The following IFI16 variants were observed in gnomAD, a reference collection of about 807,000 sequenced individuals.
IFI16 encodes the protein gamma-interferon-inducible protein 16.
A neutral mutation model predicts 68.4 loss-of-function variants in IFI16; 49 were observed. That is an observed-to-expected ratio of 0.72 (90% CI 0.57 to 0.91). The LOEUF (loss-of-function observed/expected upper bound fraction) is 0.91, where lower values mean the gene tolerates loss of function less well. Ranked by LOEUF, IFI16 falls within the 40% of genes least tolerant of loss-of-function variation. The pLI, the probability that IFI16 is intolerant of heterozygous loss-of-function variation, is 0.00. For missense variants in IFI16, 878 were observed against 942.9 expected (o/e 0.93, Z 0.90); for synonymous variants, 307 against 315.0 (o/e 0.97, Z 0.27).
upstream of IFI16, among the ~76,000 whole-genome samples, chr1:159,008,509 A>G (rs570001039): frequency 6.6e-6 from 1 of 152,342 alleles, no homozygotes; most frequent in South Asian, 2.1e-4. Flanking sequence ...TGGAGTCCCA[A>G]TTGAGGACAT....
chr1:159,009,927 A>G lies in IFI16; in HGVS notation c.-255A>G, dbSNP rs1652440365. 6.6e-6 allele frequency: 1 copy of G among 152,220 alleles called. No homozygotes were observed. The highest frequency in any genetic ancestry group is 6.5e-5 in the Admixed American group (1 of 15,284). 9.4% of individuals were successfully genotyped at this position (152,220 alleles called of 1,614,324 possible). A position where few individuals can be genotyped will look rare whatever the true frequency, so the allele number is the denominator to read the frequency against. ...ACTCCATTTTCTCTGGGGCAATAGCAGAATAGGAGCAAGCCAGCACTAGTC... is the reference window on the plus strand; with the variant it reads ...ACTCCATTTTCTCTGGGGCAATAGCGGAATAGGAGCAAGCCAGCACTAGTC... On this transcript the variant is annotated 5_prime_UTR_variant, in exon 1 of 12. Coordinates refer to ENST00000295809, the MANE Select transcript of IFI16 (RefSeq NM_001376587.1).
intron 7 of IFI16, among the ~76,000 whole-genome samples, chr1:159,042,546 A>G (rs1257368554): frequency 6.6e-6 from 1 of 152,060 alleles, no homozygotes; most frequent in African/African-American, 2.4e-5. Flanking sequence ...TTTCCATCTC[A>G]GTTCTGTCCC....
chr1:159,009,829 A>T (rs886436359), upstream of IFI16: 3 of 152,100 alleles, frequency 2.0e-5, no homozygotes, highest in African/African-American at 7.2e-5. Context: ...TTGCCAGGAA[A>T]CTGTTCATTT....
At chr1:159,052,498 C>G (rs553057131) in intron 10 of IFI16, 2 of 165,280 alleles carry the variant, frequency 1.2e-5, no homozygotes, top group East Asian at 3.3e-4. Context: ...AGTTGCTCTC[C>G]CAAGCCTGAA....
At chr1:159,033,371 C>G (rs1425729685) in intron 7 of IFI16, among the ~76,000 whole-genome samples, 3 of 152,198 alleles carry the variant, frequency 2.0e-5, no homozygotes, top group Non-Finnish European at 4.4e-5. Context: ...TTTTCCTTAA[C>G]AGGGTCAGCA....
At chr1:159,007,331 G>A (rs1652296969), upstream of IFI16, among the ~76,000 whole-genome samples, 1 of 152,196 alleles carries the variant, frequency 6.6e-6, no homozygotes, top group South Asian at 2.1e-4. Flanking sequence ...ATTGTTAAGT[G>A]GAGAATCTGT....
chr1:159,007,603 C>G (rs553959209), upstream of IFI16, among the ~76,000 whole-genome samples: 1 of 152,136 alleles, frequency 6.6e-6, no homozygotes, highest in South Asian at 2.1e-4. Context: ...CCATAACCTC[C>G]CAGTGTGATG....
Position 159,051,864 on chromosome 1 carries a change from T to C in IFI16, c.1851T>C (p.Asn617=). ...ENEVFRVKVF[N]IDLKEKFTPK... ...AAGTCTTCCGAGTGAAGGTTTTTAA[T>C]ATTGACCTAAAGGAGAAGTTCACCC... is the stretch of plus-strand genomic sequence containing the variant. The change falls in exon 10 of 12, where the codon AAT becomes AAC. Residue 617 remains asparagine (N), a synonymous_variant. Coordinates refer to ENST00000295809, the MANE Select transcript of IFI16 (RefSeq NM_001376587.1). The C allele has an allele frequency of 1.2e-6, 2 of 1,614,128 alleles. No homozygotes were observed. The highest frequency in any genetic ancestry group is 1.7e-6 in the Non-Finnish European group (2 of 1,179,962).
At chr1:159,008,222 A>C (rs1053949325), upstream of IFI16, among the ~76,000 whole-genome samples, 42 of 152,312 alleles carry the variant, frequency 2.8e-4, no homozygotes, top group African/African-American at 9.9e-4. Context: ...GATTAATATA[A>C]ATTTAGTCAC....
intron 10 of IFI16, 36 bp from the exon 11 acceptor site, chr1:159,053,497 C>T: frequency 7.1e-7 from 1 of 1,411,492 alleles, no homozygotes; most frequent in Non-Finnish European, 9.9e-7. Context: ...ATTATTGATC[C>T]AGTTTCAGAA....
intron 1 of IFI16, among the ~76,000 whole-genome samples, chr1:159,000,825 C>G (rs1652032265): frequency 6.6e-6 from 1 of 152,084 alleles, no homozygotes; most frequent in Non-Finnish European, 1.5e-5. Context: ...GGGTGGATCC[C>G]TCATGAATGG....
chr1:159,048,135 T>G (rs1173262264), intron 8 of IFI16, among the ~76,000 whole-genome samples: 2 of 150,834 alleles, frequency 1.3e-5, no homozygotes, highest in Non-Finnish European at 3.0e-5. Context: ...ATACAAGATT[T>G]CCATCAGCAA....
In IFI16 at chr1:159,014,975, T is replaced by C. The variant is rs757462407; in HGVS notation, c.265+30T>C. 8 of 1,564,782 alleles carry C rather than the reference T, an allele frequency of 5.1e-6. No individual in the cohort carries two copies. The African/African-American group carries it at 1.1e-4, about 21-fold the overall frequency. On this transcript the variant is annotated intron_variant, in intron 2 of 11. Transcript: ENST00000295809. ...TTGGGAAGAGGGAACACCCACTCCC[T>C]GCAACCATCCCCAAACCCTCCCCAA... is the stretch of plus-strand genomic sequence containing the variant.
intron 7 of IFI16, among the ~76,000 whole-genome samples, chr1:159,035,882 A>G (rs536135636): frequency 4.6e-5 from 7 of 152,258 alleles, no homozygotes; most frequent in East Asian, 1.9e-4. Flanking sequence ...ATATTATTCA[A>G]CCAAAGATTA....
At chr1:159,005,762 C>T (rs753347435), upstream of IFI16, among the ~76,000 whole-genome samples, 8 of 152,196 alleles carry the variant, frequency 5.3e-5, no homozygotes, top group Admixed American at 1.3e-4. Flanking sequence ...AAAATGCATA[C>T]TGGCACCAAG....
At chr1:159,033,407 G>A (rs550357641) in intron 7 of IFI16, among the ~76,000 whole-genome samples, 2 of 152,330 alleles carry the variant, frequency 1.3e-5, no homozygotes, top group South Asian at 4.1e-4. Flanking sequence ...CTGTAGACCA[G>A]AGCAAACCTA....
At chr1:159,023,450 T>TA (rs142504661) in intron 6 of IFI16, among the ~76,000 whole-genome samples, 4,374 of 152,184 alleles carry the variant, frequency 0.029, 99 homozygotes, top group African/African-American at 0.059. Context: ...TTAGTCTACT[T>TA]AAAAAAAATT....
At position 159,051,956 on chromosome 1, in the gene IFI16, C is replaced by T; in HGVS notation, c.1943C>T (p.Thr648Ile). 1.9e-6 allele frequency: 3 copies of T among 1,614,104 alleles called. No homozygotes were observed. Among genetic ancestry groups the T allele is most frequent in the Middle Eastern group, 3.3e-4 (2 of 6,062 alleles). ...RNGFLEVYPF[T>I]LVADVNADRN... The stretch of plus-strand genomic sequence containing the variant: ...GGGTTCCTGGAGGTATATCCTTTCA[C>T]ACTTGTGGCTGATGTGAATGCTGAC... Residue 648 changes from threonine to isoleucine, a missense_variant, in exon 10 of 12, where the codon ACA (threonine) becomes ATA (isoleucine). Thr to Ile is a moderately conservative substitution (Grantham distance 89, BLOSUM62 -1). Around this residue, in one of 4 missense-constraint regions of IFI16, gnomAD observed 311 missense variants for 305.1 expected, o/e 1.02. Transcript: ENST00000295809.
chr1:159,023,554 A>T (rs930478300), intron 6 of IFI16, among the ~76,000 whole-genome samples: 1 of 152,188 alleles, frequency 6.6e-6, no homozygotes, highest in African/African-American at 2.4e-5. Flanking sequence ...GGACCTTAAT[A>T]GCATTTATGT....
Sources: gnomAD v4.1 joint callset for allele counts (sites outside exome capture counted in the v4.1 genomes callset) on GRCh38, gnomAD v4.1.1 for gene constraint, gnomAD v4.1.1 regional missense constraint, MANE v1.5 for transcripts, NCBI Gene and HGNC (gene_info 2026-07-23, HGNC 2026-07-21) for gene names.